The following PDZD2 variants were observed in gnomAD, a reference collection of about 807,000 sequenced individuals.
PDZD2 encodes the protein PDZ domain-containing protein 2.
PDZD2 carries 90 observed loss-of-function variants against 220.7 expected under a neutral mutation model. The ratio of observed to expected loss-of-function variants is 0.41; its 90% CI spans 0.34 to 0.49. PDZD2 has a LOEUF of 0.49. Among genes scored for constraint, PDZD2 ranks in the 20% least tolerant of loss-of-function variants. The pLI, the probability that PDZD2 is intolerant of heterozygous loss-of-function variation, is 0.28. For synonymous variants in PDZD2, 1,375 were observed against 1,450.5 expected (o/e 0.95, Z 1.18); for missense variants, 3,174 against 3,608.5 (o/e 0.88, Z 3.08).
At chr5:31,940,441 T>C (rs1505018) in intron 2 of PDZD2, among the ~76,000 whole-genome samples, 62,062 of 152,018 alleles carry the variant, frequency 0.41, 13,146 homozygotes, top group Middle Eastern at 0.57. Flanking sequence ...CCATGACAGC[T>C]GTTGACTTGG....
Position 31,983,281 on chromosome 5 carries a change from T to A in PDZD2, c.603T>A (p.Pro201=), listed in dbSNP as rs1424500990. 2 of 1,614,200 alleles carry A rather than the reference T, an allele frequency of 1.2e-6. No individual in the cohort carries two copies. The highest frequency in any genetic ancestry group is 4.5e-5 in the East Asian group (2 of 44,884). ...ACAGCTCTGAACCAGGAGAAACACC[T>A]ACCTTGGAGCTGGGTGACCGAACTG... ...SSNSSEPGET[P]TLELGDRTAK... is the part of the protein sequence containing the mutation. Residue 201 remains proline, a synonymous_variant, in exon 3 of 25, where the codon CCT becomes CCA. Coordinates refer to ENST00000438447, the MANE Select transcript of PDZD2 (RefSeq NM_178140.4).
At chr5:31,902,448 A>G (rs1388003745) in intron 2 of PDZD2, among the ~76,000 whole-genome samples, 2 of 145,782 alleles carry the variant, frequency 1.4e-5, no homozygotes, top group South Asian at 2.2e-4. Context: ...TCTGCTTATT[A>G]TTGAATTGTT....
At chr5:31,935,611 C>T (rs1745654075) in intron 2 of PDZD2, among the ~76,000 whole-genome samples, 1 of 152,054 alleles carries the variant, frequency 6.6e-6, no homozygotes, top group Admixed American at 6.6e-5. Context: ...AATTTAACCC[C>T]TTGATTTTTG....
intron 2 of PDZD2, among the ~76,000 whole-genome samples, chr5:31,919,603 A>C (rs7706071): frequency 6.6e-6 from 1 of 151,016 alleles, no homozygotes. Context: ...TGCCTCGGCA[A>C]CCCAGAGTGC....
At chr5:32,047,864 G>C (rs1447001133) in intron 7 of PDZD2, among the ~76,000 whole-genome samples, 1 of 152,206 alleles carries the variant, frequency 6.6e-6, no homozygotes, top group East Asian at 1.9e-4. Context: ...ACAGGAGCCA[G>C]ACAAAAAGCA....
chr5:31,737,264 T>C (rs576182446), intron 1 of PDZD2, among the ~76,000 whole-genome samples: 37 of 140,374 alleles, frequency 2.6e-4, no homozygotes, highest in East Asian at 4.7e-4. Flanking sequence ...GCTCCGCCTC[T>C]CAGGTTCACG....
In PDZD2 at chr5:32,000,278, C is replaced by T. The variant is rs761723388; in HGVS notation, c.1254+7C>T. On this transcript the variant is annotated splice_region_variant and intron_variant, in intron 5 of 24. Coordinates refer to ENST00000438447, the MANE Select transcript of PDZD2 (RefSeq NM_178140.4). This position sits in a 1 kb window ranked among gnomAD's most constrained non-coding sequence, Gnocchi z 4.5. Reference sequence around the variant, plus strand: ...GCTTGTGGTGGCCAGCAAGGTAGGTCGTGTTTGTTTTTTGGTACTCGTAAT... The same window carrying T: ...GCTTGTGGTGGCCAGCAAGGTAGGTTGTGTTTGTTTTTTGGTACTCGTAAT... 1.9e-5 allele frequency: 30 copies of T among 1,613,916 alleles called. No homozygotes were observed. Among genetic ancestry groups the T allele is most frequent in the Middle Eastern group, 3.3e-4 (2 of 6,084 alleles).
intron 2 of PDZD2, among the ~76,000 whole-genome samples, chr5:31,860,557 A>G (rs1241453686): frequency 6.6e-6 from 1 of 152,068 alleles, no homozygotes; most frequent in African/African-American, 2.4e-5. Context: ...TCCCTGCCTG[A>G]TGTCCCAACT....
chr5:31,695,743 TA>T (rs1424782017), intron 1 of PDZD2, among the ~76,000 whole-genome samples: 3 of 152,180 alleles, frequency 2.0e-5, no homozygotes, highest in Admixed American at 6.5e-5. Flanking sequence ...TTGGGTGTAA[TA>T]AAGATCTGAT....
At position 31,863,955 on chromosome 5, in the gene PDZD2, GTA is replaced by G. The variant is rs573294577; in HGVS notation, c.476+64233_476+64234del. Reference sequence around the variant, plus strand: ...GCATGTGAGCGTAACTTACAGTTGTGTATGTGTTGTCATTTCTTCCCCCGCCC... The same window carrying G: ...GCATGTGAGCGTAACTTACAGTTGTGTGTGTTGTCATTTCTTCCCCCGCCC... On this transcript the variant is annotated intron_variant, in intron 2 of 24. Coordinates refer to ENST00000438447, the MANE Select transcript of PDZD2 (RefSeq NM_178140.4). Among the ~76,000 whole-genome samples the G allele has an allele frequency of 1.2e-4, 19 of 152,290 alleles. No individual in the cohort carries two copies. The East Asian group carries it at 2.9e-3, about 23-fold the overall frequency.
intron 1 of PDZD2, among the ~76,000 whole-genome samples, chr5:31,685,220 G>A (rs183575278): frequency 6.6e-6 from 1 of 151,924 alleles, no homozygotes; most frequent in African/African-American, 2.4e-5. Flanking sequence ...TTCCAGAGGA[G>A]CTTTCTAAAA....
At chr5:31,703,678 C>T (rs1230820652) in intron 1 of PDZD2, among the ~76,000 whole-genome samples, 1 of 152,108 alleles carries the variant, frequency 6.6e-6, no homozygotes, top group African/African-American at 2.4e-5. Flanking sequence ...TAAGGGAATA[C>T]TTTCTGCATG....
intron 2 of PDZD2, among the ~76,000 whole-genome samples, chr5:31,975,471 G>C (rs2111813754): frequency 6.6e-6 from 1 of 152,294 alleles, no homozygotes; most frequent in East Asian, 1.9e-4. Flanking sequence ...GATGAGATTT[G>C]GGTGGGCACC....
intron 1 of PDZD2, among the ~76,000 whole-genome samples, chr5:31,724,752 G>C (rs1161991040): frequency 2.6e-5 from 4 of 151,854 alleles, no homozygotes; most frequent in African/African-American, 9.7e-5. Context: ...AAGACATAAA[G>C]GTCCACCCTG....
At chr5:31,949,743 G>A (rs1035757345) in intron 2 of PDZD2, among the ~76,000 whole-genome samples, 6 of 148,928 alleles carry the variant, frequency 4.0e-5, no homozygotes, top group Non-Finnish European at 7.4e-5. Flanking sequence ...TGCGATCTCA[G>A]CTCACTGCAA....
chr5:31,763,929 G>A (rs913777353), intron 1 of PDZD2, among the ~76,000 whole-genome samples: 27 of 151,404 alleles, frequency 1.8e-4, no homozygotes, highest in South Asian at 6.3e-4. Context: ...TAGTGAGCTC[G>A]GGCTCTGACT....
chr5:32,089,268 C>A lies in PDZD2; in HGVS notation c.5820C>A (p.His1940Gln), dbSNP rs200195552. 1.2e-6 allele frequency: 2 copies of A among 1,614,172 alleles called. No individual in the cohort carries two copies. The highest frequency in any genetic ancestry group is 1.7e-6 in the Non-Finnish European group (2 of 1,180,016). ...AVSQRLHVAD[H>Q]EDPDRNTTAA... ...CACAGCGGCTCCATGTAGCCGACCA[C>A]GAGGACCCTGACAGAAACACCACAG... Residue 1940 changes from histidine to glutamine, a missense_variant, in exon 20 of 25, where the codon CAC (histidine) becomes CAA (glutamine). This residue lies in a region of PDZD2 where 1,861 missense variants were observed against 2,001.0 expected (regional missense o/e 0.93). Transcript: ENST00000438447.
intron 10 of PDZD2, among the ~76,000 whole-genome samples, chr5:32,056,640 A>G (rs1413234485): frequency 1.3e-5 from 2 of 152,202 alleles, no homozygotes; most frequent in Non-Finnish European, 2.9e-5. Context: ...GCCGCCTTAG[A>G]GTTAAAAATA....
chr5:31,807,192 T>A (rs1463719703), intron 2 of PDZD2, among the ~76,000 whole-genome samples: 1 of 152,170 alleles, frequency 6.6e-6, no homozygotes, highest in Non-Finnish European at 1.5e-5. Context: ...CATCTCAGCC[T>A]CCCAAAGTGC....
Sources: allele counts gnomAD v4.1 joint callset (sites outside exome capture counted in the v4.1 genomes callset), GRCh38; gene constraint gnomAD v4.1.1; regional missense constraint gnomAD v4.1.1; non-coding constraint Gnocchi (gnomAD v3.1); transcripts MANE v1.5; gene names NCBI Gene and HGNC (gene_info 2026-07-23, HGNC 2026-07-21).